Variants in ROBO1 observed in about 807,000 individuals in gnomAD.
ROBO1 encodes roundabout guidance receptor 1.
A neutral mutation model predicts 195.9 loss-of-function variants in ROBO1; 149 were observed. The observed-to-expected ratio is 0.76, with a 90% CI of 0.67 to 0.87. The LOEUF is 0.87. Among genes scored for constraint, ROBO1 ranks in the 40% least tolerant of loss-of-function variants. ROBO1 has a pLI of 0.00. For missense variants in ROBO1, 1,933 were observed against 2,068.3 expected, an observed-to-expected ratio of 0.93 and a Z score of 1.27; for synonymous variants, 816 against 733.2, an observed-to-expected ratio of 1.11 and a Z score of -1.82.
intron 3 of ROBO1, among the ~76,000 whole-genome samples, chr3:78,946,819 T>C (rs1278747130): frequency 6.6e-6 from 1 of 151,984 alleles, no homozygotes; most frequent in African/African-American, 2.4e-5. Context: ...AATAAAGGGA[T>C]GGAGAAAGAT....
intron 1 of ROBO1, among the ~76,000 whole-genome samples, chr3:79,667,350 T>G (rs933517885): frequency 6.6e-6 from 1 of 151,888 alleles, no homozygotes; most frequent in Non-Finnish European, 1.5e-5. Context: ...ATGAGCATTT[T>G]CTTCTAATCC....
chr3:79,416,037 G>A (rs1219783720), intron 2 of ROBO1, among the ~76,000 whole-genome samples: 1 of 151,936 alleles, frequency 6.6e-6, no homozygotes, highest in Non-Finnish European at 1.5e-5. Context: ...GATAGAGAAG[G>A]AATGATGAGT....
At chr3:78,899,781 C>T (rs1217767191) in intron 4 of ROBO1, among the ~76,000 whole-genome samples, 1 of 151,932 alleles carries the variant, frequency 6.6e-6, no homozygotes, top group Non-Finnish European at 1.5e-5. Context: ...CGATGGTTTT[C>T]CTTAAAAATA....
At chr3:79,178,616 G>A (rs80327490) in intron 2 of ROBO1, among the ~76,000 whole-genome samples, 13,400 of 152,190 alleles carry the variant, frequency 0.088, 1,014 homozygotes, top group African/African-American at 0.2. Context: ...CGAACAGAAA[G>A]GCACGGAGCA....
chr3:79,290,242 C>A (rs1047675238), intron 2 of ROBO1, among the ~76,000 whole-genome samples: 3 of 151,956 alleles, frequency 2.0e-5, no homozygotes, highest in Non-Finnish European at 4.4e-5. Flanking sequence ...CTGTGTTGGC[C>A]AGGCTGGTCT....
At chr3:78,753,415 C>T (rs140358839) in intron 4 of ROBO1, among the ~76,000 whole-genome samples, 1 of 152,110 alleles carries the variant, frequency 6.6e-6, no homozygotes, top group Non-Finnish European at 1.5e-5. Context: ...CTTATTCCAA[C>T]AGCACTAAGT....
intron 4 of ROBO1, among the ~76,000 whole-genome samples, chr3:78,925,519 G>A (rs182045059): frequency 2.6e-5 from 4 of 152,258 alleles, no homozygotes; most frequent in Admixed American, 1.3e-4. Flanking sequence ...CATTTCCACT[G>A]TGGGAACAAA....
intron 8 of ROBO1, 21 bp downstream of exon 8, chr3:78,714,376 A>C (rs760100153): frequency 6.2e-7 from 1 of 1,603,244 alleles, no homozygotes; most frequent in East Asian, 2.2e-5. Context: ...CCACCAAAAC[A>C]AAGCCTTTCC....
intron 5 of ROBO1, among the ~76,000 whole-genome samples, chr3:78,722,123 T>G (rs151036804): frequency 3.8e-3 from 582 of 152,270 alleles, no homozygotes; most frequent in Non-Finnish European, 5.9e-3. Flanking sequence ...TGAAAAAAAT[T>G]GTATAACTGA....
At chr3:79,600,150 T>C (rs1944297399) in intron 1 of ROBO1, among the ~76,000 whole-genome samples, 1 of 152,010 alleles carries the variant, frequency 6.6e-6, no homozygotes, top group Non-Finnish European at 1.5e-5. Flanking sequence ...TGAAAATTAG[T>C]GGGACGCATG....
chr3:79,687,396 G>A (rs955951020), intron 1 of ROBO1, among the ~76,000 whole-genome samples: 12 of 152,080 alleles, frequency 7.9e-5, no homozygotes, highest in Non-Finnish European at 1.5e-4. Context: ...ACTAAAGAAC[G>A]ACCACACAGC....
intron 4 of ROBO1, among the ~76,000 whole-genome samples, chr3:78,886,777 T>G (rs1251886489): frequency 6.6e-6 from 1 of 152,156 alleles, no homozygotes; most frequent in Non-Finnish European, 1.5e-5. Flanking sequence ...ATGATTATAC[T>G]TATACAAAGA....
intron 2 of ROBO1, among the ~76,000 whole-genome samples, chr3:79,520,091 G>T (rs1217464743): frequency 6.6e-6 from 1 of 151,816 alleles, no homozygotes; most frequent in Admixed American, 6.6e-5. Context: ...GAGCCCAGGG[G>T]GTCGAGGCTG....
intron 3 of ROBO1, among the ~76,000 whole-genome samples, chr3:78,950,743 C>G (rs937813288): frequency 4.6e-5 from 7 of 151,210 alleles, no homozygotes; most frequent in African/African-American, 1.7e-4. Flanking sequence ...CTCTGTTGTG[C>G]TTTCCCCATG....
At chr3:78,887,014 T>G (rs2036608983) in intron 4 of ROBO1, among the ~76,000 whole-genome samples, 1 of 152,206 alleles carries the variant, frequency 6.6e-6, no homozygotes, top group Admixed American at 6.5e-5. Context: ...GTATGCATAT[T>G]TCAGTTAAAT....
intron 2 of ROBO1, among the ~76,000 whole-genome samples, chr3:79,187,488 A>C (rs539260968): frequency 1.3e-5 from 2 of 152,136 alleles, no homozygotes; most frequent in Non-Finnish European, 2.9e-5. Flanking sequence ...TTTCTCAATC[A>C]ATTACTGTAC....
At position 79,242,911 on chromosome 3, in the gene ROBO1, C is replaced by A. The variant is rs556958705; in HGVS notation, c.89-117372G>T. On this transcript the variant is annotated intron_variant, in intron 2 of 30. Transcript: ENST00000464233. ...GTTTGTTACATATGTATACATGTGC[C>A]ATGTTGGTGTGCTGCACCTATTAAC... 1.3e-3 allele frequency among the ~76,000 whole-genome samples: 201 copies of A among 151,924 alleles called. 1 individual carries two copies. Among genetic ancestry groups the A allele is most frequent in the African/African-American group, 4.7e-3 (193 of 41,426 alleles).
chr3:79,747,349 G>T (rs1332398393), intron 1 of ROBO1, among the ~76,000 whole-genome samples: 1 of 152,008 alleles, frequency 6.6e-6, no homozygotes, highest in Non-Finnish European at 1.5e-5. Flanking sequence ...ATACATGTGT[G>T]TATATATGTA....
At chr3:78,989,461 A>C (rs1234143271) in intron 3 of ROBO1, among the ~76,000 whole-genome samples, 1 of 152,130 alleles carries the variant, frequency 6.6e-6, no homozygotes, top group African/African-American at 2.4e-5. Context: ...TAAAAATACA[A>C]AAATTAGCTG....
Sources: gnomAD v4.1 joint callset for allele counts (sites outside exome capture counted in the v4.1 genomes callset) on GRCh38, gnomAD v4.1.1 for gene constraint, MANE v1.5 for transcripts, NCBI Gene and HGNC (gene_info 2026-07-23, HGNC 2026-07-21) for gene names.